Variants in CNOT1 observed in about 807,000 individuals in gnomAD.
CNOT1 encodes the protein CCR4-NOT transcription complex subunit 1.
In CNOT1, 15 loss-of-function variants were observed where a neutral mutation model predicts 273.8. That is an observed-to-expected ratio of 0.05 (90% CI 0.04 to 0.08). CNOT1 has a LOEUF of 0.08. Among genes scored for constraint, CNOT1 ranks in the 10% least tolerant of loss-of-function variants. The pLI is 1.00. For synonymous variants in CNOT1, 1,022 were observed against 1,005.5 expected (o/e 1.02, Z -0.31); for missense variants, 1,644 against 2,912.2 (o/e 0.56, Z 10.02).
chr16:58,557,047 T>C, intron 18 of CNOT1, 54 bp from the exon 19 acceptor site: 1 of 1,589,780 alleles, frequency 6.3e-7, no homozygotes, highest in South Asian at 1.1e-5. Context: ...TTCTTGATTT[T>C]ATTCACATCT....
chr16:58,522,395 G>A (rs1197392628), intron 47 of CNOT1, among the ~76,000 whole-genome samples: 1 of 152,086 alleles, frequency 6.6e-6, no homozygotes, highest in Non-Finnish European at 1.5e-5. Context: ...AGTCCAAGGA[G>A]ACTTACTGCA....
At chr16:58,559,783 C>A (rs1272454289) in intron 17 of CNOT1, 1 of 510,720 alleles carries the variant, frequency 2.0e-6, no homozygotes, top group Admixed American at 1.9e-5. Flanking sequence ...TGGTTGATGT[C>A]AGGGAGTAAC....
At position 58,547,685 on chromosome 16, in the gene CNOT1, G is replaced by A. The variant is rs568133247; in HGVS notation, c.3523-3C>T. 1 of 1,610,964 alleles carries A rather than the reference G, an allele frequency of 6.2e-7. No individual in the cohort carries two copies. The highest frequency in any genetic ancestry group is 1.1e-5 in the South Asian group (1 of 90,512). ...GCTTTATCAGAGGTCAGGAGCACCT[G>A]AAATAGTGTAAGATTAAGAAAGATA... On this transcript the variant is annotated splice_region_variant and splice_polypyrimidine_tract_variant and intron_variant, in intron 25 of 48. Coordinates refer to ENST00000317147, the MANE Select transcript of CNOT1 (RefSeq NM_016284.5). The surrounding 1 kb of genome is among the most constrained non-coding windows in gnomAD (Gnocchi z 4.0).
chr16:58,545,410 T>C lies in CNOT1; in HGVS notation c.4088A>G (p.Asn1363Ser). 6.2e-7 allele frequency: 1 copy of C among 1,614,090 alleles called. No individual in the cohort carries two copies. The highest frequency in any genetic ancestry group is 8.5e-7 in the Non-Finnish European group (1 of 1,179,950). ...PQPQYSYHDINVYSLAGLAPH... is the reference protein window; with the variant it reads ...PQPQYSYHDISVYSLAGLAPH... ...TGCCAAGCCCGCAAGGGAATAGACA[T>C]TGATGTCGTGGTAGCTGTACTGTGG... Residue 1363 changes from asparagine (N) to serine (S), a missense_variant, in exon 30 of 49, where the codon AAT becomes AGT. Physicochemically the swap from Asn to Ser is conservative, Grantham distance 46. This residue lies in a region of CNOT1 where 133 missense variants were observed against 230.4 expected (regional missense o/e 0.58). Transcript: ENST00000317147.
chr16:58,602,924 G>A (rs1319784647), intron 1 of CNOT1, among the ~76,000 whole-genome samples: 4 of 151,924 alleles, frequency 2.6e-5, no homozygotes, highest in African/African-American at 9.7e-5. Flanking sequence ...CCCACTTAAT[G>A]ATGTCACACC....
chr16:58,546,559 A>G, intron 28 of CNOT1, 61 bp from the exon 29 acceptor site: 1 of 1,604,426 alleles, frequency 6.2e-7, no homozygotes, highest in Non-Finnish European at 8.5e-7. Context: ...TACTCATAAT[A>G]TACTCTACTT....
In CNOT1 at chr16:58,542,577, G is replaced by A. The variant is rs1434030288; in HGVS notation, c.4435-9C>T. The A allele has an allele frequency of 1.3e-6, 2 of 1,594,720 alleles. No homozygotes were observed. Among genetic ancestry groups the A allele is most frequent in the East Asian group, 4.5e-5 (2 of 44,664 alleles). ...TGTTGTGGGGAAGCAGTCTATTAAT[G>A]GAGGTGGGTGGGGGGGTGGGGGGAA... On this transcript the variant is annotated splice_polypyrimidine_tract_variant and intron_variant, in intron 31 of 48. Coordinates refer to ENST00000317147, the MANE Select transcript of CNOT1 (RefSeq NM_016284.5).
chr16:58,553,979 T>C lies in CNOT1; in HGVS notation c.2892-119A>G, dbSNP rs137968289. ...TTCCATCTTACCTATGAATAACTTA[T>C]TTGAAGAAAATGTCAAAGTGAAGAA... On this transcript the variant is annotated intron_variant, in intron 21 of 48. Coordinates refer to ENST00000317147, the MANE Select transcript of CNOT1 (RefSeq NM_016284.5). The C allele has an allele frequency of 1.1e-5, 14 of 1,315,016 alleles. No homozygotes were observed. In the African/African-American group the frequency reaches 1.4e-4, roughly 13 times the overall value. The allele number at this position is 1,315,016 out of a possible 1,614,324, so 81.5% of individuals were successfully genotyped here. A position where few individuals can be genotyped will look rare whatever the true frequency, so the allele number is the denominator to read the frequency against.
At chr16:58,603,407 AAGTGTGTGTGTGTGTGTGTGTGTG>A (rs1331685193) in intron 1 of CNOT1, among the ~76,000 whole-genome samples, 62 of 126,292 alleles carry the variant, frequency 4.9e-4, no homozygotes, top group Non-Finnish European at 1.8e-4. Context: ...TACAATTTAA[AAGTGTGTGTGTGTGTGTGTGTGTG>A]TGTGTGTGTG....
At chr16:58,565,394 T>C (rs931706355) in intron 16 of CNOT1, among the ~76,000 whole-genome samples, 4 of 152,174 alleles carry the variant, frequency 2.6e-5, no homozygotes, top group Non-Finnish European at 5.9e-5. Context: ...GAGTTACAAG[T>C]GTAAGCCACC....
intron 1 of CNOT1, among the ~76,000 whole-genome samples, chr16:58,626,273 T>C: frequency 6.6e-6 from 1 of 151,812 alleles, no homozygotes; most frequent in Admixed American, 6.6e-5. Flanking sequence ...CTGGCTGTGG[T>C]GGCAGGCACC....
chr16:58,528,941 TAA>T (rs34692465), intron 43 of CNOT1, among the ~76,000 whole-genome samples: 48 of 137,062 alleles, frequency 3.5e-4, no homozygotes, highest in Admixed American at 7.8e-4. Flanking sequence ...CTTCAGAAGC[TAA>T]AAAAAAAAAA....
chr16:58,560,138 AT>A, intron 17 of CNOT1, 73 bp downstream of exon 17: 1 of 1,555,278 alleles, frequency 6.4e-7, no homozygotes, highest in Non-Finnish European at 8.7e-7. Flanking sequence ...CAGACAATTT[AT>A]TAATGACATA....
At chr16:58,537,322 G>A (rs2039956015) in intron 38 of CNOT1, 102 bp from the exon 39 acceptor site, 1 of 1,470,600 alleles carries the variant, frequency 6.8e-7, no homozygotes, top group African/African-American at 1.4e-5. Flanking sequence ...CACCAGAGTG[G>A]TTTACCACTT....
At chr16:58,583,934 T>C (rs1052185730) in intron 8 of CNOT1, among the ~76,000 whole-genome samples, 49 of 151,662 alleles carry the variant, frequency 3.2e-4, no homozygotes, top group Non-Finnish European at 6.8e-4. Context: ...TTTGGGAGTC[T>C]GAGGCGGGTG....
chr16:58,608,194 A>G (rs2042758431), intron 1 of CNOT1, among the ~76,000 whole-genome samples: 1 of 151,996 alleles, frequency 6.6e-6, no homozygotes, highest in Admixed American at 6.6e-5. Context: ...AAAAAAAGAA[A>G]AAGAACATTT....
intron 11 of CNOT1, 23 bp downstream of exon 11, chr16:58,581,322 A>AT: frequency 6.3e-7 from 1 of 1,586,216 alleles, no homozygotes; most frequent in Non-Finnish European, 8.6e-7. Context: ...TCCCCCATCT[A>AT]TAGCTAAATA....
At chr16:58,528,128 T>C (rs2039662136) in intron 44 of CNOT1, 1 of 474,660 alleles carries the variant, frequency 2.1e-6, no homozygotes, top group Non-Finnish European at 4.2e-6. Flanking sequence ...AAGAAAAAGA[T>C]TACAAAGGTC....
chr16:58,538,948 A>G (rs908729205), intron 35 of CNOT1, 34 bp from the exon 36 acceptor site: 44 of 1,605,334 alleles, frequency 2.7e-5, no homozygotes, highest in Non-Finnish European at 3.2e-5. Flanking sequence ...AAACCATGAA[A>G]AATACAGTGC....
Sources: allele counts gnomAD v4.1 joint callset (sites outside exome capture counted in the v4.1 genomes callset), GRCh38; gene constraint gnomAD v4.1.1; regional missense constraint gnomAD v4.1.1; non-coding constraint Gnocchi (gnomAD v3.1); transcripts MANE v1.5; gene names NCBI Gene and HGNC (gene_info 2026-07-23, HGNC 2026-07-21).